The following NOL4 variants were observed in gnomAD, a reference collection of about 807,000 sequenced individuals.
The protein encoded by NOL4 is cancer/testis antigen 125.
In NOL4, 17 loss-of-function variants were observed where a neutral mutation model predicts 75.9. That is an observed-to-expected ratio of 0.22 (90% confidence interval 0.15 to 0.34). The LOEUF (loss-of-function observed/expected upper bound fraction) is 0.34. Ranked by LOEUF, NOL4 falls within the 10% of genes least tolerant of loss-of-function variation. The pLI, the probability that NOL4 is intolerant of heterozygous loss-of-function variation, is 1.00. For missense variants in NOL4, 614 were observed against 793.5 expected, an observed-to-expected ratio of 0.77 and a Z score of 2.72; for synonymous variants, 292 against 289.9, an observed-to-expected ratio of 1.01 and a Z score of -0.07.
At chr18:34,107,243 C>A (rs981258439) in intron 2 of NOL4, among the ~76,000 whole-genome samples, 52 of 152,242 alleles carry the variant, frequency 3.4e-4, no homozygotes, top group African/African-American at 1.2e-3. Context: ...TATTAATAAT[C>A]ATATCACATT....
chr18:34,214,467 C>T (rs2036739018), intron 1 of NOL4, among the ~76,000 whole-genome samples: 1 of 152,100 alleles, frequency 6.6e-6, no homozygotes, highest in African/African-American at 2.4e-5. Context: ...CAAATGGTTT[C>T]TTGTCCCAAG....
intron 9 of NOL4, among the ~76,000 whole-genome samples, chr18:33,926,757 C>T (rs1021907860): frequency 2.0e-5 from 3 of 151,982 alleles, no homozygotes; most frequent in South Asian, 4.1e-4. Context: ...CCCACCACCA[C>T]GCCCAGCTAA....
chr18:34,197,723 G>A (rs2035435563), intron 1 of NOL4, among the ~76,000 whole-genome samples: 2 of 151,894 alleles, frequency 1.3e-5, no homozygotes, highest in Non-Finnish European at 2.9e-5. Context: ...AAGGTGGTTT[G>A]AATTCCTGGC....
chr18:34,190,404 A>G (rs1372229837), intron 1 of NOL4, among the ~76,000 whole-genome samples: 4 of 152,018 alleles, frequency 2.6e-5, no homozygotes. Context: ...TGTATCTCCC[A>G]AATACTATTA....
chr18:33,878,007 A>C (rs1313985936), intron 10 of NOL4, among the ~76,000 whole-genome samples: 2 of 152,082 alleles, frequency 1.3e-5, no homozygotes, highest in Admixed American at 1.3e-4. Context: ...TCAGGTGAGT[A>C]GACCTTGAAG....
intron 10 of NOL4, among the ~76,000 whole-genome samples, chr18:33,882,121 T>C (rs1013187985): frequency 1.3e-5 from 2 of 152,058 alleles, no homozygotes; most frequent in East Asian, 1.9e-4. Flanking sequence ...AACCTAGGCA[T>C]TACCATTCAG....
chr18:34,126,625 C>T (rs1324264491), intron 2 of NOL4, among the ~76,000 whole-genome samples: 7 of 151,958 alleles, frequency 4.6e-5, no homozygotes, highest in Non-Finnish European at 7.4e-5. Context: ...TGTCTGAACT[C>T]GCTTACCCTG....
At chr18:34,141,320 T>C (rs1228397562) in intron 1 of NOL4, among the ~76,000 whole-genome samples, 2 of 152,064 alleles carry the variant, frequency 1.3e-5, no homozygotes, top group African/African-American at 4.8e-5. Flanking sequence ...CTTCACAGAA[T>C]TGGAAAAAAC....
chr18:33,922,890 A>G (rs1208970376), intron 9 of NOL4, among the ~76,000 whole-genome samples: 1 of 152,128 alleles, frequency 6.6e-6, no homozygotes, highest in Non-Finnish European at 1.5e-5. Flanking sequence ...TAAATATCGA[A>G]TTTAATTTAT....
At chr18:34,059,998 C>T (rs902076764) in intron 5 of NOL4, among the ~76,000 whole-genome samples, 17 of 152,146 alleles carry the variant, frequency 1.1e-4, no homozygotes, top group Non-Finnish European at 2.2e-4. Flanking sequence ...GTCAAGTCCT[C>T]GGAGGACTAC....
intron 5 of NOL4, among the ~76,000 whole-genome samples, chr18:34,067,622 A>G (rs2077336900): frequency 6.6e-6 from 1 of 152,224 alleles, no homozygotes; most frequent in Non-Finnish European, 1.5e-5. Context: ...GAACAAACAT[A>G]AGAGTCTTCT....
chr18:33,866,927 GA>G, intron 10 of NOL4, among the ~76,000 whole-genome samples: 1 of 152,050 alleles, frequency 6.6e-6, no homozygotes, highest in Non-Finnish European at 1.5e-5. Flanking sequence ...AATAAAGCAT[GA>G]ATTTATTATT....
At chr18:34,153,158 TG>T (rs1384181558) in intron 1 of NOL4, among the ~76,000 whole-genome samples, 3 of 151,824 alleles carry the variant, frequency 2.0e-5, no homozygotes, top group African/African-American at 7.2e-5. Flanking sequence ...CATATACCCA[TG>T]TACTCATTTC....
intron 10 of NOL4, among the ~76,000 whole-genome samples, chr18:33,881,902 A>T (rs538085988): frequency 6.6e-6 from 1 of 152,120 alleles, no homozygotes; most frequent in East Asian, 1.9e-4. Context: ...ATAAAGCCGC[A>T]TATCTACAAC....
chr18:34,125,008 G>C (rs959265887), intron 2 of NOL4, among the ~76,000 whole-genome samples: 2 of 152,020 alleles, frequency 1.3e-5, no homozygotes, highest in South Asian at 2.1e-4. Context: ...CCTGACTTAA[G>C]TTAAATTTAG....
chr18:34,116,040 CAG>C lies in NOL4; in HGVS notation c.415-10882_415-10881del, dbSNP rs567428709. Among the ~76,000 whole-genome samples the C allele has an allele frequency of 4.5e-3, 684 of 152,238 alleles. 2 individuals are homozygous for C. The highest frequency in any genetic ancestry group is 7.1e-3 in the Non-Finnish European group (484 of 67,994). ...TTAGGACTGGAATTCATCAGTAAAACAGAAAATAATAGATTAAATTATTTCCA... is the reference window on the plus strand; with the variant it reads ...TTAGGACTGGAATTCATCAGTAAAACAAAATAATAGATTAAATTATTTCCA... On this transcript the variant is annotated intron_variant, in intron 2 of 10. Transcript: ENST00000261592.
At position 34,128,893 on chromosome 18, in the gene NOL4, A is replaced by C. The variant is rs145565625; in HGVS notation, c.414+978T>G. ...CATTTCACACATTTTTCTGTATCTG[A>C]AAAAAAAATGGATCCAGACTGATAT... is the stretch of plus-strand genomic sequence containing the variant. On this transcript the variant is annotated intron_variant, in intron 2 of 10. Transcript: ENST00000261592. 293 of 938,256 alleles carry C rather than the reference A, an allele frequency of 3.1e-4. 2 individuals are homozygous for C. In the East Asian group the frequency reaches 0.025, roughly 80 times the overall value. The allele number at this position is 938,256 out of a possible 1,614,324, so 58.1% of individuals were successfully genotyped here.
At position 33,881,268 on chromosome 18, in the gene NOL4, G is replaced by T. The variant is rs1158742232; in HGVS notation, c.1723+1976C>A. 3.3e-5 allele frequency among the ~76,000 whole-genome samples: 5 copies of T among 150,326 alleles called. No homozygotes were observed. The East Asian group carries it at 9.7e-4, about 29-fold the overall frequency. On this transcript the variant is annotated intron_variant, in intron 10 of 10. Transcript: ENST00000261592. ...TATCAGCTTAAGGAGATTTTGGGCT[G>T]AGACAATGGGGTTTTCTAGATATAC...
intron 2 of NOL4, among the ~76,000 whole-genome samples, chr18:34,119,016 T>A (rs762315548): frequency 3.0e-4 from 46 of 152,172 alleles, no homozygotes; most frequent in Non-Finnish European, 5.3e-4. Context: ...CCTGGATATA[T>A]CAAATTATTG....
Sources: gnomAD v4.1 joint callset for allele counts (sites outside exome capture counted in the v4.1 genomes callset) on GRCh38, gnomAD v4.1.1 for gene constraint, MANE v1.5 for transcripts, NCBI Gene and HGNC (gene_info 2026-07-23, HGNC 2026-07-21) for gene names.